Variants in ZNF385B observed in about 807,000 individuals in gnomAD.
ZNF385B encodes the protein zinc finger protein 533.
ZNF385B carries 23 observed loss-of-function variants against 39.2 expected under a neutral mutation model. The observed-to-expected ratio is 0.59, with a 90% CI of 0.42 to 0.83. The LOEUF (loss-of-function observed/expected upper bound fraction) is 0.83, where lower values mean the gene tolerates loss of function less well. Ranked by LOEUF, ZNF385B falls within the 40% of genes least tolerant of loss-of-function variation. ZNF385B has a pLI of 0.00. For missense variants in ZNF385B, 552 were observed against 598.9 expected (o/e 0.92, Z 0.82); for synonymous variants, 205 against 222.6 (o/e 0.92, Z 0.70).
intron 4 of ZNF385B, among the ~76,000 whole-genome samples, chr2:179,531,183 T>A (rs1050774782): frequency 6.6e-6 from 1 of 152,078 alleles, no homozygotes; most frequent in African/African-American, 2.4e-5. Context: ...TGAACCCAGA[T>A]CTCCTTCTAT....
At chr2:179,545,055 G>C in intron 3 of ZNF385B, 86 bp from the exon 4 acceptor site, 1 of 1,560,200 alleles carries the variant, frequency 6.4e-7, no homozygotes, top group Non-Finnish European at 8.8e-7. Context: ...CAAGTCTGTT[G>C]AGCTGCAACT....
At chr2:179,822,471 T>A (rs1707456766) in intron 1 of ZNF385B, among the ~76,000 whole-genome samples, 1 of 152,222 alleles carries the variant, frequency 6.6e-6, no homozygotes, top group African/African-American at 2.4e-5. Flanking sequence ...TTCTTAATTA[T>A]CAGCAGCAAC....
intron 1 of ZNF385B, among the ~76,000 whole-genome samples, chr2:179,819,613 T>C (rs1707283774): frequency 1.3e-5 from 2 of 152,234 alleles, no homozygotes; most frequent in Non-Finnish European, 2.9e-5. Context: ...CTTGGAAAGA[T>C]GGGCAGAACA....
intron 3 of ZNF385B, among the ~76,000 whole-genome samples, chr2:179,655,465 A>T (rs978581373): frequency 6.8e-6 from 1 of 146,388 alleles, no homozygotes; most frequent in Non-Finnish European, 1.5e-5. Flanking sequence ...AGAGGTATTA[A>T]ATATTAATCT....
intron 3 of ZNF385B, among the ~76,000 whole-genome samples, chr2:179,615,673 T>C (rs995104726): frequency 1.3e-5 from 2 of 152,192 alleles, no homozygotes; most frequent in Non-Finnish European, 2.9e-5. Context: ...TATAGAACAG[T>C]GTTTTTAGCA....
chr2:179,838,721 G>T (rs923742228), intron 1 of ZNF385B, among the ~76,000 whole-genome samples: 29 of 152,062 alleles, frequency 1.9e-4, no homozygotes, highest in Admixed American at 2.0e-4. Flanking sequence ...AATACTGGAA[G>T]CTTCATGATA....
At chr2:179,803,891 G>A (rs1473548585) in intron 1 of ZNF385B, among the ~76,000 whole-genome samples, 2 of 152,138 alleles carry the variant, frequency 1.3e-5, no homozygotes, top group Non-Finnish European at 1.5e-5. Flanking sequence ...AATGGAGATT[G>A]ATTATAATCC....
At position 179,607,109 on chromosome 2, in the gene ZNF385B, C is replaced by T. The variant is rs192170469; in HGVS notation, c.299-62140G>A. ...GTCAGCATGATGATATCAAAATAGACGTGTGCAGGGTGTGGTTTGGATCAG... is the reference window on the plus strand; with the variant it reads ...GTCAGCATGATGATATCAAAATAGATGTGTGCAGGGTGTGGTTTGGATCAG... On this transcript the variant is annotated intron_variant, in intron 3 of 9. Coordinates refer to ENST00000410066, the MANE Select transcript of ZNF385B (RefSeq NM_152520.6). Among the ~76,000 whole-genome samples the T allele has an allele frequency of 5.3e-5, 8 of 152,198 alleles. No homozygotes were observed. The East Asian group carries it at 7.7e-4, about 15-fold the overall frequency.
chr2:179,649,161 G>T (rs889260033), intron 3 of ZNF385B, among the ~76,000 whole-genome samples: 1 of 151,992 alleles, frequency 6.6e-6, no homozygotes, highest in African/African-American at 2.4e-5. Context: ...ACACAAACTG[G>T]GCAGTAATTT....
At chr2:179,755,820 G>T (rs1438755499) in intron 3 of ZNF385B, among the ~76,000 whole-genome samples, 1 of 152,148 alleles carries the variant, frequency 6.6e-6, no homozygotes, top group Non-Finnish European at 1.5e-5. Context: ...TTGAGCCTAT[G>T]TGTGTCTCTG....
intron 3 of ZNF385B, among the ~76,000 whole-genome samples, chr2:179,614,968 A>G (rs1649125002): frequency 6.6e-6 from 1 of 152,210 alleles, no homozygotes; most frequent in African/African-American, 2.4e-5. Context: ...AATGTCACAT[A>G]TTAGACTTCT....
intron 1 of ZNF385B, among the ~76,000 whole-genome samples, chr2:179,779,076 A>G (rs1704514925): frequency 6.6e-6 from 1 of 152,186 alleles, no homozygotes; most frequent in Non-Finnish European, 1.5e-5. Context: ...CAATTTCATC[A>G]ATTTCATTAA....
At chr2:179,797,881 G>A (rs747864830) in intron 1 of ZNF385B, among the ~76,000 whole-genome samples, 2 of 152,108 alleles carry the variant, frequency 1.3e-5, no homozygotes, top group Admixed American at 6.6e-5. Context: ...TTGTGCGATA[G>A]TAATACTCTA....
chr2:179,697,594 A>G (rs1204004965), intron 3 of ZNF385B, among the ~76,000 whole-genome samples: 3 of 152,172 alleles, frequency 2.0e-5, no homozygotes, highest in African/African-American at 7.2e-5. Flanking sequence ...ACAGTAAGCT[A>G]AGGCTTTTGG....
Position 179,670,747 on chromosome 2 carries a change from G to T in ZNF385B, c.298+98756C>A, listed in dbSNP as rs1695875176. 2.6e-5 allele frequency among the ~76,000 whole-genome samples: 4 copies of T among 152,192 alleles called. No homozygotes were observed. The South Asian group carries it at 8.3e-4, about 31-fold the overall frequency. On this transcript the variant is annotated intron_variant, in intron 3 of 9. Coordinates refer to ENST00000410066, the MANE Select transcript of ZNF385B (RefSeq NM_152520.6). ...ATTTGAACAAGAATGAGTGAATTTAGGGGGTACATACAGTCTAAAGAGATA... is the reference window on the plus strand; with the variant it reads ...ATTTGAACAAGAATGAGTGAATTTATGGGGTACATACAGTCTAAAGAGATA...
intron 4 of ZNF385B, among the ~76,000 whole-genome samples, chr2:179,525,231 G>T (rs2058815374): frequency 6.6e-6 from 1 of 152,174 alleles, no homozygotes; most frequent in Non-Finnish European, 1.5e-5. Flanking sequence ...AGACTTCCTG[G>T]AACTTCTGCA....
intron 5 of ZNF385B, among the ~76,000 whole-genome samples, chr2:179,507,157 A>C (rs1451421904): frequency 1.3e-5 from 2 of 152,250 alleles, no homozygotes; most frequent in African/African-American, 4.8e-5. Context: ...ATTAAATCCT[A>C]GAATATGTTG....
intron 1 of ZNF385B, among the ~76,000 whole-genome samples, chr2:179,776,180 A>G (rs1278991535): frequency 1.3e-5 from 2 of 152,258 alleles, no homozygotes; most frequent in Non-Finnish European, 2.9e-5. Context: ...AACTAAAGAG[A>G]AAGATCACAC....
At chr2:179,677,334 C>T in intron 3 of ZNF385B, among the ~76,000 whole-genome samples, 1 of 151,666 alleles carries the variant, frequency 6.6e-6, no homozygotes, top group East Asian at 1.9e-4. Flanking sequence ...TCTCTGTTGC[C>T]CGTGTGATTA....
Sources: allele counts gnomAD v4.1 joint callset (sites outside exome capture counted in the v4.1 genomes callset), GRCh38; gene constraint gnomAD v4.1.1; transcripts MANE v1.5; gene names NCBI Gene and HGNC (gene_info 2026-07-23, HGNC 2026-07-21).